TRIM71: variants seen among roughly 807,000 people sequenced by gnomAD.
TRIM71 encodes the protein tripartite motif containing 71.
TRIM71 carries 9 observed loss-of-function variants against 61.2 expected under a neutral mutation model. The ratio of observed to expected loss-of-function variants is 0.15; its 90% CI spans 0.09 to 0.26. The LOEUF is 0.26. TRIM71 is among the 10% of genes least tolerant of loss of function. The pLI is 1.00. For synonymous variants in TRIM71, 645 were observed against 553.2 expected (o/e 1.17, Z -2.33); for missense variants, 998 against 1,238.7 (o/e 0.81, Z 2.92).
chr3:32,869,852 G>A (rs1018356551), intron 1 of TRIM71, among the ~76,000 whole-genome samples: 4 of 152,168 alleles, frequency 2.6e-5, no homozygotes, highest in African/African-American at 4.8e-5. Context: ...CCTCCATTTA[G>A]CTGGGGCAGC....
Position 32,891,724 on chromosome 3 carries a change from G to A in TRIM71, c.2520G>A (p.Gln840=), listed in dbSNP as rs763824262. 2.5e-6 allele frequency: 4 copies of A among 1,614,152 alleles called. No homozygotes were observed. In the Admixed American group the frequency reaches 6.7e-5, roughly 27 times the overall value. The stretch of plus-strand genomic sequence containing the variant: ...GTGCTCAAGGCAGCGGCTTTGGGCA[G>A]ATGGACCGCCCTTCCGGCATCGCCA... The part of the protein sequence containing the change: ...KFGAQGSGFG[Q]MDRPSGIAIT... Residue 840 remains glutamine, a synonymous_variant, in exon 4 of 4, where the codon CAG becomes CAA. Transcript: ENST00000383763. The surrounding 1 kb of genome is among the most constrained non-coding windows in gnomAD (Gnocchi z 8.2).
chr3:32,823,919 AC>A (rs1696169664), intron 1 of TRIM71, among the ~76,000 whole-genome samples: 2 of 152,098 alleles, frequency 1.3e-5, no homozygotes, highest in South Asian at 4.2e-4. Flanking sequence ...TAAAAATACA[AC>A]AAAAATTAGC....
At chr3:32,848,582 G>C (rs1237184309) in intron 1 of TRIM71, among the ~76,000 whole-genome samples, 1 of 152,038 alleles carries the variant, frequency 6.6e-6, no homozygotes, top group Non-Finnish European at 1.5e-5. Context: ...TCTTTTTATG[G>C]TTCTTTTTGG....
At chr3:32,860,316 G>A (rs1437083907) in intron 1 of TRIM71, among the ~76,000 whole-genome samples, 2 of 151,880 alleles carry the variant, frequency 1.3e-5, no homozygotes, top group Non-Finnish European at 2.9e-5. Flanking sequence ...CCACCACCAC[G>A]CCCAGCTATA....
chr3:32,820,930 T>C (rs1362233728), intron 1 of TRIM71, among the ~76,000 whole-genome samples: 1 of 152,190 alleles, frequency 6.6e-6, no homozygotes, highest in African/African-American at 2.4e-5. Context: ...CCCTTTAGCT[T>C]TTCATTAAAA....
intron 1 of TRIM71, among the ~76,000 whole-genome samples, chr3:32,848,106 G>A (rs1031555033): frequency 2.6e-5 from 4 of 152,154 alleles, no homozygotes; most frequent in African/African-American, 4.8e-5. Flanking sequence ...AACGAGAGAC[G>A]ACTGTACTTT....
chr3:32,862,013 G>A (rs1041480144), intron 1 of TRIM71, among the ~76,000 whole-genome samples: 1 of 152,186 alleles, frequency 6.6e-6, no homozygotes, highest in East Asian at 1.9e-4. Flanking sequence ...ATTACTGCCT[G>A]TGAACAACTC....
At chr3:32,846,513 G>GTT (rs1337062810) in intron 1 of TRIM71, among the ~76,000 whole-genome samples, 2 of 152,154 alleles carry the variant, frequency 1.3e-5, no homozygotes, top group Non-Finnish European at 2.9e-5. Flanking sequence ...TAATGATAAT[G>GTT]TTTAAAATAT....
intron 1 of TRIM71, among the ~76,000 whole-genome samples, chr3:32,854,497 T>C (rs1696574408): frequency 6.6e-6 from 1 of 152,206 alleles, no homozygotes; most frequent in African/African-American, 2.4e-5. Context: ...TGACCAAGGC[T>C]CTGGAATGTA....
At position 32,818,894 on chromosome 3, in the gene TRIM71, C is replaced by T. The variant is rs1317634845; in HGVS notation, c.814C>T (p.Pro272Ser). The T allele has an allele frequency of 1.2e-6, 2 of 1,612,594 alleles. No homozygotes were observed. The highest frequency in any genetic ancestry group is 1.7e-6 in the Non-Finnish European group (2 of 1,179,862). The change falls in exon 1 of 4, where the codon CCC becomes TCC. Residue 272 changes from proline (P) to serine (S), a missense_variant. Physicochemically the swap from Pro to Ser is moderately conservative, Grantham distance 74 (BLOSUM62 -1). Transcript: ENST00000383763. ...GCCCTTCTCCATCCTCTCAGTGTTT[C>T]CCGAGCGCCTCGGCTTCTGCCAGCA... ...GPPFSILSVFPERLGFCQHHD... is the reference protein window; with the variant it reads ...GPPFSILSVFSERLGFCQHHD...
At chr3:32,859,672 CGG>C (rs1264040219) in intron 1 of TRIM71, among the ~76,000 whole-genome samples, 1 of 152,134 alleles carries the variant, frequency 6.6e-6, no homozygotes, top group Non-Finnish European at 1.5e-5. Flanking sequence ...TTTCCCTGCC[CGG>C]AATGCCGCTG....
rs1011305524 is a variant in TRIM71, at chr3:32,818,404, G to C, written c.324G>C (p.Ala108=). The stretch of plus-strand genomic sequence containing the variant: ...TAGCCGAGGCGGCGGGTATGGACGC[G>C]CTGCCTTCGTCCGCCTTCCTGCTTA... The part of the protein sequence containing the change: ...VVLAEAAGMD[A]LPSSAFLLSN... Residue 108 remains alanine, a synonymous_variant, in exon 1 of 4, where the codon GCG becomes GCC. Transcript: ENST00000383763. 6 of 1,477,806 alleles carry C rather than the reference G, an allele frequency of 4.1e-6. No homozygotes were observed. The highest frequency in any genetic ancestry group is 5.4e-6 in the Non-Finnish European group (6 of 1,118,644). The allele number at this position is 1,477,806 out of a possible 1,614,324, so 91.5% of individuals were successfully genotyped here.
Position 32,891,709 on chromosome 3 carries a change from C to A in TRIM71, c.2505C>A (p.Gly835=), listed in dbSNP as rs770593158. The change falls in exon 4 of 4, where the codon GGC becomes GGA. Residue 835 remains glycine, a synonymous_variant. Transcript: ENST00000383763. This position sits in a 1 kb window ranked among gnomAD's most constrained non-coding sequence, Gnocchi z 8.2. Reference sequence around the variant, plus strand: ...TCCTGTGCAAGTTTGGTGCTCAAGGCAGCGGCTTTGGGCAGATGGACCGCC... The same window carrying A: ...TCCTGTGCAAGTTTGGTGCTCAAGGAAGCGGCTTTGGGCAGATGGACCGCC... ...GSFLCKFGAQ[G]SGFGQMDRPS... 4 of 1,614,162 alleles carry A rather than the reference C, an allele frequency of 2.5e-6. No individual in the cohort carries two copies. Among genetic ancestry groups the A allele is most frequent in the Non-Finnish European group, 3.4e-6 (4 of 1,180,020 alleles).
intron 2 of TRIM71, among the ~76,000 whole-genome samples, chr3:32,883,091 T>A (rs184529159): frequency 5.1e-4 from 78 of 152,350 alleles, no homozygotes; most frequent in Admixed American, 2.5e-3. Context: ...TATGCTAAAT[T>A]CTGTTTAAAT....
chr3:32,837,541 C>T (rs193232894), intron 1 of TRIM71, among the ~76,000 whole-genome samples: 26 of 152,260 alleles, frequency 1.7e-4, no homozygotes, highest in African/African-American at 5.8e-4. Flanking sequence ...CTAACGTCGC[C>T]GGGCGTGGTG....
chr3:32,863,657 G>A (rs1228284060), intron 1 of TRIM71, among the ~76,000 whole-genome samples: 1 of 152,022 alleles, frequency 6.6e-6, no homozygotes, highest in Non-Finnish European at 1.5e-5. Flanking sequence ...TAAGCTTCTT[G>A]TATGTAGGTA....
Position 32,890,579 on chromosome 3 carries a change from G to C in TRIM71, c.1375G>C (p.Val459Leu). Residue 459 changes from valine to leucine, a missense_variant, in exon 4 of 4, where the codon GTC (valine) becomes CTC (leucine). Physicochemically the swap from Val to Leu is conservative, Grantham distance 32. Around this residue, in one of 5 missense-constraint regions of TRIM71, gnomAD observed 291 missense variants for 431.2 expected, o/e 0.67. Transcript: ENST00000383763. This position sits in a 1 kb window ranked among gnomAD's most constrained non-coding sequence, Gnocchi z 6.2. ...CCTGCAGCCCCAGGAAGACGACCGA[G>C]TCATGTTCACACCCCCCGATCAGGC... is the stretch of plus-strand genomic sequence containing the variant. ...SLLQPQEDDR[V>L]MFTPPDQALY... 1 of 1,614,018 alleles carries C rather than the reference G, an allele frequency of 6.2e-7. No homozygotes were observed. Among genetic ancestry groups the C allele is most frequent in the Non-Finnish European group, 8.5e-7 (1 of 1,180,036 alleles).
chr3:32,889,619 C>T (rs183095816), intron 3 of TRIM71, among the ~76,000 whole-genome samples: 4 of 148,924 alleles, frequency 2.7e-5, no homozygotes, highest in Admixed American at 1.3e-4. Flanking sequence ...GACGGAGTCT[C>T]GCCCTGTTCC....
Position 32,836,779 on chromosome 3 carries a change from A to C in TRIM71, c.852+17847A>C, listed in dbSNP as rs150541097. 3.9e-4 allele frequency among the ~76,000 whole-genome samples: 59 copies of C among 152,326 alleles called. No homozygotes were observed. In the East Asian group the frequency reaches 0.011, roughly 29 times the overall value. On this transcript the variant is annotated intron_variant, in intron 1 of 3. Transcript: ENST00000383763. ...TGAAGGCCCTTAACTTGTGAATGCC[A>C]GCTGGCTTGCAATCAGTTGAGTGTT... is the stretch of plus-strand genomic sequence containing the variant.
Sources: allele counts gnomAD v4.1 joint callset (sites outside exome capture counted in the v4.1 genomes callset), GRCh38; gene constraint gnomAD v4.1.1; regional missense constraint gnomAD v4.1.1; non-coding constraint Gnocchi (gnomAD v3.1); transcripts MANE v1.5; gene names NCBI Gene and HGNC (gene_info 2026-07-23, HGNC 2026-07-21).